Variants in ZDHHC11B observed in about 807,000 individuals in gnomAD.
ZDHHC11B encodes the protein zDHHC palmitoyltransferase 11B (putative).
A neutral mutation model predicts 42.3 loss-of-function variants in ZDHHC11B; 17 were observed. That is an observed-to-expected ratio of 0.40 (90% CI 0.27 to 0.60). ZDHHC11B has a LOEUF of 0.60. Among genes scored for constraint, ZDHHC11B ranks in the 20% least tolerant of loss-of-function variants. ZDHHC11B has a pLI of 0.41. For missense variants in ZDHHC11B, 262 were observed against 463.2 expected (o/e 0.57, Z 3.99); for synonymous variants, 123 against 193.5 (o/e 0.64, Z 3.02).
At chr5:733,145 G>T (rs954367716) in intron 11 of ZDHHC11B, among the ~76,000 whole-genome samples, 1 of 150,628 alleles carries the variant, frequency 6.6e-6, no homozygotes, top group African/African-American at 2.5e-5. Context: ...CGGCAGCCGC[G>T]CTGGTCTTTT....
At chr5:730,854 T>G (rs1329396543) in intron 11 of ZDHHC11B, among the ~76,000 whole-genome samples, 1 of 151,680 alleles carries the variant, frequency 6.6e-6, no homozygotes, top group Admixed American at 6.6e-5. Flanking sequence ...GAGGGAAGAC[T>G]GTGAGAGGAC....
intron 13 of ZDHHC11B, among the ~76,000 whole-genome samples, chr5:714,533 C>G (rs1464929866): frequency 1.7e-5 from 2 of 121,098 alleles, no homozygotes; most frequent in African/African-American, 6.5e-5. Flanking sequence ...TCGAAAGCAC[C>G]CTAGGAAGAC....
intron 12 of ZDHHC11B, among the ~76,000 whole-genome samples, chr5:719,671 G>T (rs145633597): frequency 2.6e-5 from 4 of 151,224 alleles, no homozygotes; most frequent in African/African-American, 9.8e-5. Flanking sequence ...AGCTTGAAAG[G>T]TTTGTTAGAC....
At chr5:716,090 C>T (rs1211503147) in intron 13 of ZDHHC11B, among the ~76,000 whole-genome samples, 3 of 150,520 alleles carry the variant, frequency 2.0e-5, no homozygotes, top group Admixed American at 6.6e-5. Context: ...CTTGCTTTGC[C>T]TTGGAAAGCC....
chr5:756,641 T>G (rs1383686768), intron 4 of ZDHHC11B, among the ~76,000 whole-genome samples: 1 of 151,528 alleles, frequency 6.6e-6, no homozygotes, highest in South Asian at 2.1e-4. Context: ...CCACAGGAGG[T>G]ACGCCCCAGG....
At chr5:719,194 G>A (rs1741998739) in intron 12 of ZDHHC11B, among the ~76,000 whole-genome samples, 1 of 151,738 alleles carries the variant, frequency 6.6e-6, no homozygotes. Flanking sequence ...TCCCAGAGGA[G>A]GAGAAGCACT....
chr5:754,197 CTCCACCA>C (rs1746207844), intron 6 of ZDHHC11B, among the ~76,000 whole-genome samples: 1 of 110,432 alleles, frequency 9.1e-6, no homozygotes, highest in Non-Finnish European at 2.0e-5. Flanking sequence ...GTCTATGAGC[CTCCACCA>C]TGCTCAGGGG....
At chr5:737,834 C>G (rs1304648544) in intron 10 of ZDHHC11B, among the ~76,000 whole-genome samples, 1 of 146,194 alleles carries the variant, frequency 6.8e-6, no homozygotes, top group Non-Finnish European at 1.5e-5. Flanking sequence ...GACAAACCCA[C>G]AGCCAACATT....
chr5:754,189 CTATGAGCCTCCACCATGCTCAGGGG>C (rs1746204316), intron 6 of ZDHHC11B, among the ~76,000 whole-genome samples: 1 of 86,398 alleles, frequency 1.2e-5, no homozygotes, highest in Non-Finnish European at 2.2e-5. Flanking sequence ...CATCTCTCGT[CTATGAGCCTCCACCATGCTCAGGGG>C]AAACACGTCT....
Position 732,656 on chromosome 5 carries a change from G to T in ZDHHC11B, c.1023+1096C>A, listed in dbSNP as rs908958191. The stretch of plus-strand genomic sequence containing the variant: ...CCCTGAAATCCTGGGGAAGTGCGGT[G>T]AGGCGGCCCTGCCCCCACAGGGAAG... On this transcript the variant is annotated intron_variant, in intron 11 of 13. Coordinates refer to ENST00000508859, the MANE Select transcript of ZDHHC11B (RefSeq NM_001351303.2). 4 of 451,500 alleles carry T rather than the reference G, an allele frequency of 8.9e-6. No individual in the cohort carries two copies. In the East Asian group the frequency reaches 2.8e-4, roughly 32 times the overall value. 28.0% of individuals were successfully genotyped at this position (451,500 alleles called of 1,614,324 possible).
At chr5:763,286 T>C (rs1561181923) in intron 4 of ZDHHC11B, among the ~76,000 whole-genome samples, 1 of 151,160 alleles carries the variant, frequency 6.6e-6, no homozygotes, top group East Asian at 1.9e-4. Flanking sequence ...GGAGGATTGT[T>C]TGAACCCAGG....
chr5:750,355 C>T (rs115787048), intron 7 of ZDHHC11B, among the ~76,000 whole-genome samples: 2,143 of 134,998 alleles, frequency 0.016, 64 homozygotes, highest in African/African-American at 0.055. Context: ...CCCACCTCTG[C>T]GAGCTCCTGT....
intron 12 of ZDHHC11B, among the ~76,000 whole-genome samples, chr5:719,381 T>C (rs1742013987): frequency 6.6e-6 from 1 of 151,710 alleles, no homozygotes; most frequent in South Asian, 2.1e-4. Context: ...ATCAGCTGTC[T>C]TAAATATGCT....
chr5:776,727 T>C (rs1239120754), intron 1 of ZDHHC11B, among the ~76,000 whole-genome samples: 1 of 151,932 alleles, frequency 6.6e-6, no homozygotes, highest in Non-Finnish European at 1.5e-5. Context: ...CAAGGGGCCT[T>C]CTAGGACCTG....
chr5:756,636 G>A (rs1733894020), intron 4 of ZDHHC11B, among the ~76,000 whole-genome samples: 1 of 151,718 alleles, frequency 6.6e-6, no homozygotes, highest in Non-Finnish European at 1.5e-5. Flanking sequence ...CAGGGCCACA[G>A]GAGGTACGCC....
intron 1 of ZDHHC11B, among the ~76,000 whole-genome samples, chr5:773,399 G>A (rs1398170695): frequency 1.3e-5 from 2 of 151,902 alleles, no homozygotes; most frequent in Non-Finnish European, 2.9e-5. Flanking sequence ...ACTCCAGGAA[G>A]ACAAACTGCT....
At chr5:748,320 G>A in intron 8 of ZDHHC11B, 84 bp downstream of exon 8, 2 of 943,920 alleles carry the variant, frequency 2.1e-6, no homozygotes, top group Non-Finnish European at 3.0e-6. Flanking sequence ...TCAGGGTTAG[G>A]GACATACTCA....
rs1276228993 is a variant in ZDHHC11B, at chr5:784,723, CA to C, written c.-286del. ...CCCCCGCGACCCGGCCGCGCGCGAC[CA>C]AGTGCTCAGCGCAGCGCTCCCCCTG... On this transcript the variant is annotated 5_prime_UTR_variant, in exon 1 of 14. Transcript: ENST00000508859. Among the ~76,000 whole-genome samples the C allele has an allele frequency of 6.7e-6, 1 of 149,796 alleles. No homozygotes were observed. Among genetic ancestry groups the C allele is most frequent in the African/African-American group, 2.4e-5 (1 of 40,850 alleles).
At chr5:752,383 T>A (rs1243503403) in intron 6 of ZDHHC11B, among the ~76,000 whole-genome samples, 1 of 97,332 alleles carries the variant, frequency 1.0e-5, no homozygotes, top group Non-Finnish European at 2.4e-5. Flanking sequence ...TCGTCTTTGC[T>A]CAAAAGATGC....
Sources: allele counts gnomAD v4.1 joint callset (sites outside exome capture counted in the v4.1 genomes callset), GRCh38; gene constraint gnomAD v4.1.1; transcripts MANE v1.5; gene names NCBI Gene and HGNC (gene_info 2026-07-23, HGNC 2026-07-21).